The following FASTKD1 variants were observed in gnomAD, a reference collection of about 807,000 sequenced individuals.
The protein encoded by FASTKD1 is FAST kinase domain-containing protein 1, mitochondrial.
FASTKD1 carries 94 observed loss-of-function variants against 90.9 expected under a neutral mutation model. The ratio of observed to expected loss-of-function variants is 1.03; its 90% confidence interval spans 0.88 to 1.23. The LOEUF is 1.23. FASTKD1 is among the 50% of genes most tolerant of loss of function. The pLI is 0.00. For missense variants in FASTKD1, 945 were observed against 993.5 expected, an observed-to-expected ratio of 0.95 and a Z score of 0.66; for synonymous variants, 319 against 345.8, an observed-to-expected ratio of 0.92 and a Z score of 0.86.
chr2:169,529,945 GT>G lies in FASTKD1; in HGVS notation c.2443-20del. On this transcript the variant is annotated intron_variant, in intron 14 of 14. Transcript: ENST00000453153. ...GGGAAATCTGAAAATAAGTAATGTT[GT>G]TTGAATGAAAGTTTTAAAGCAACAA... 6.4e-7 allele frequency: 1 copy of G among 1,554,756 alleles called. No homozygotes were observed. Among genetic ancestry groups the G allele is most frequent in the Non-Finnish European group, 8.8e-7 (1 of 1,133,018 alleles).
rs1343198184 is a variant in FASTKD1 at position 169,529,924 on chromosome 2, A to C, written c.2445T>G (p.Ile815Met). ...CCATAGAGTTCCATTCAAACTGGGA[A>C]ATCTGAAAATAAGTAATGTTGTTTG... Reference protein sequence around the residue: ...LEILGYRVIQISQFEWNSMAL... With the variant: ...LEILGYRVIQMSQFEWNSMAL... Residue 815 changes from isoleucine to methionine, a missense_variant and splice_region_variant, in exon 15 of 15, where the codon ATT (isoleucine) becomes ATG (methionine). Physicochemically the swap from Ile to Met is conservative, Grantham distance 10 (BLOSUM62 1). Transcript: ENST00000453153. 1 of 1,604,454 alleles carries C rather than the reference A, an allele frequency of 6.2e-7. No homozygotes were observed. Among genetic ancestry groups the C allele is most frequent in the Admixed American group, 1.7e-5 (1 of 58,664 alleles).
In FASTKD1 at chr2:169,539,756, C is replaced by T. The variant is rs77677565; in HGVS notation, c.1945+295G>A. On this transcript the variant is annotated intron_variant, in intron 10 of 14. Coordinates refer to ENST00000453153, the MANE Select transcript of FASTKD1 (RefSeq NM_024622.6). ...TCCAGCCTGGGCAACAGAGTGAGAC[C>T]CTGTCTCAAAACAAAACAAAAAAAC... is the stretch of plus-strand genomic sequence containing the variant. 9.0e-4 allele frequency among the ~76,000 whole-genome samples: 137 copies of T among 152,000 alleles called. 3 individuals carry two copies. In the East Asian group the frequency reaches 0.025, roughly 28 times the overall value.
intron 11 of FASTKD1, among the ~76,000 whole-genome samples, chr2:169,537,638 AGCCTCCCAAAGT>A (rs1254284133): frequency 6.6e-6 from 1 of 152,148 alleles, no homozygotes; most frequent in East Asian, 1.9e-4. Context: ...CCCGCCTTTC[AGCCTCCCAAAGT>A]GCTGGGATTA....
At chr2:169,562,878 T>C (rs1265302372) in intron 4 of FASTKD1, among the ~76,000 whole-genome samples, 3 of 152,182 alleles carry the variant, frequency 2.0e-5, no homozygotes, top group Non-Finnish European at 4.4e-5. Context: ...CTGCTACTGC[T>C]ATTGCTATAA....
intron 10 of FASTKD1, among the ~76,000 whole-genome samples, chr2:169,538,575 C>A (rs1285209425): frequency 6.6e-6 from 1 of 150,402 alleles, no homozygotes; most frequent in Non-Finnish European, 1.5e-5. Flanking sequence ...ACTCAGGAGG[C>A]CAAGGCAGGA....
Position 169,529,878 on chromosome 2 carries a change from G to A in FASTKD1, c.2491C>T (p.Arg831Trp), listed in dbSNP as rs749573940. Residue 831 changes from arginine (R) to tryptophan (W), a missense_variant, in exon 15 of 15, where the codon CGG becomes TGG. Arg to Trp is a moderately radical substitution (Grantham distance 101, BLOSUM62 -3). Transcript: ENST00000453153. ...ATACATTCTCTCAGGTAGTCCATCCGAGCATCCTTTGTTGACAGTGCCATA... is the reference window on the plus strand; with the variant it reads ...ATACATTCTCTCAGGTAGTCCATCCAAGCATCCTTTGTTGACAGTGCCATA... ...NSMALSTKDA[R>W]MDYLRECIFG... 1.6e-5 allele frequency: 26 copies of A among 1,613,532 alleles called. No homozygotes were observed. In the African/African-American group the frequency reaches 1.7e-4, roughly 11 times the overall value.
rs566371889 is a variant in FASTKD1, at chr2:169,552,239, C to T, written c.1214+2885G>A. ...CAGAGATACATAAAGGCTCTCCTTA[C>T]TCAGAATTTAATAAGCTTTAACATT... On this transcript the variant is annotated intron_variant, in intron 7 of 14. Transcript: ENST00000453153. Among the ~76,000 whole-genome samples the T allele has an allele frequency of 2.0e-5, 3 of 152,288 alleles. No individual in the cohort carries two copies. The East Asian group carries it at 5.8e-4, about 29-fold the overall frequency.
At chr2:169,540,457 T>C (rs1336456749) in intron 9 of FASTKD1, among the ~76,000 whole-genome samples, 5 of 152,300 alleles carry the variant, frequency 3.3e-5, no homozygotes, top group Non-Finnish European at 5.9e-5. Flanking sequence ...ATTCACAGTA[T>C]TATACTAAAG....
In FASTKD1 at chr2:169,555,266, T is replaced by C. The variant is rs114920384; in HGVS notation, c.1083-11A>G. 16,269 of 1,598,778 alleles carry C rather than the reference T, an allele frequency of 0.01. 101 individuals are homozygous for C. The highest frequency in any genetic ancestry group is 0.012 in the Non-Finnish European group (14,114 of 1,171,400). On this transcript the variant is annotated splice_polypyrimidine_tract_variant and intron_variant, in intron 6 of 14. Transcript: ENST00000453153. ...AGAACTGAAGTAACTCTAAAAAGGATAGAGCATATATTATAACCAGTTCAT... is the reference window on the plus strand; with the variant it reads ...AGAACTGAAGTAACTCTAAAAAGGACAGAGCATATATTATAACCAGTTCAT...
At chr2:169,567,541 A>C (rs1684042642) in intron 3 of FASTKD1, among the ~76,000 whole-genome samples, 1 of 152,260 alleles carries the variant, frequency 6.6e-6, no homozygotes, top group South Asian at 2.1e-4. Flanking sequence ...CAGAATTTCT[A>C]AATCTGGAGA....
intron 12 of FASTKD1, among the ~76,000 whole-genome samples, chr2:169,531,914 G>A (rs886772449): frequency 7.2e-5 from 11 of 152,156 alleles, no homozygotes; most frequent in Non-Finnish European, 1.3e-4. Context: ...GTTGATATGG[G>A]AAAGTCCTTT....
intron 7 of FASTKD1, among the ~76,000 whole-genome samples, chr2:169,550,667 C>A (rs1238584116): frequency 6.6e-6 from 1 of 151,998 alleles, no homozygotes; most frequent in Non-Finnish European, 1.5e-5. Context: ...TTTGTAGAGA[C>A]AGAGGCTTGC....
At chr2:169,552,192 C>T (rs1192295767) in intron 7 of FASTKD1, among the ~76,000 whole-genome samples, 2 of 152,094 alleles carry the variant, frequency 1.3e-5, no homozygotes, top group African/African-American at 4.8e-5. Flanking sequence ...AACTCAAACA[C>T]TTTTGATATA....
chr2:169,546,714 G>A lies in FASTKD1; in HGVS notation c.1215-10C>T. 1 of 1,586,388 alleles carries A rather than the reference G, an allele frequency of 6.3e-7. No homozygotes were observed. The highest frequency in any genetic ancestry group is 2.2e-5 in the East Asian group (1 of 44,558). On this transcript the variant is annotated splice_polypyrimidine_tract_variant and intron_variant, in intron 7 of 14. Transcript: ENST00000453153. ...ACTATTTTTCAAATAACTGCAAAAT[G>A]AAAAATGAAAAGAATACATCAGCAA...
chr2:169,538,428 A>T (rs1361842821), intron 10 of FASTKD1, among the ~76,000 whole-genome samples: 3 of 151,862 alleles, frequency 2.0e-5, no homozygotes, highest in Non-Finnish European at 4.4e-5. Context: ...TGTAATCCCA[A>T]CACTTTGGGA....
intron 7 of FASTKD1, among the ~76,000 whole-genome samples, chr2:169,554,127 C>T (rs2441676): frequency 0.52 from 76,351 of 146,920 alleles, 20,031 homozygotes; most frequent in Middle Eastern, 0.65. Flanking sequence ...AAAAAATTAG[C>T]CAAGTTTGGT....
Position 169,529,076 on chromosome 2 carries a change from C to T in FASTKD1, c.*749G>A, listed in dbSNP as rs1324523827. On this transcript the variant is annotated 3_prime_UTR_variant, in exon 15 of 15. Transcript: ENST00000453153. The stretch of plus-strand genomic sequence containing the variant: ...ATACATTTATATCTGGGGCCTGGAC[C>T]TCTTCCCTGACCTCCAAGCTCATTT... Among the ~76,000 whole-genome samples, 2 of 152,074 alleles carry T rather than the reference C, an allele frequency of 1.3e-5. No homozygotes were observed. The highest frequency in any genetic ancestry group is 2.4e-5 in the African/African-American group (1 of 41,418).
intron 7 of FASTKD1, among the ~76,000 whole-genome samples, chr2:169,553,289 A>AC (rs60226191): frequency 2.7e-5 from 4 of 149,150 alleles, no homozygotes; most frequent in Non-Finnish European, 6.0e-5. Flanking sequence ...AAAAAAAAAA[A>AC]CCCACTGTGC....
chr2:169,551,027 A>G (rs765951417), intron 7 of FASTKD1, among the ~76,000 whole-genome samples: 3 of 152,210 alleles, frequency 2.0e-5, no homozygotes, highest in African/African-American at 4.8e-5. Context: ...CAAAGCTTAG[A>G]TATTTGCGTA....
Sources: gnomAD v4.1 joint callset for allele counts (sites outside exome capture counted in the v4.1 genomes callset) on GRCh38, gnomAD v4.1.1 for gene constraint, MANE v1.5 for transcripts, NCBI Gene and HGNC (gene_info 2026-07-23, HGNC 2026-07-21) for gene names.